SHROOM3: variants seen among roughly 807,000 people sequenced by gnomAD.
SHROOM3 encodes the protein protein Shroom3.
SHROOM3 carries 47 observed loss-of-function variants against 138.6 expected under a neutral mutation model. The ratio of observed to expected loss-of-function variants is 0.34; its 90% CI spans 0.27 to 0.43. The LOEUF (loss-of-function observed/expected upper bound fraction) is 0.43, where lower values mean the gene tolerates loss of function less well. Ranked by LOEUF, SHROOM3 falls within the 20% of genes least tolerant of loss-of-function variation. The pLI is 1.00. For missense variants in SHROOM3, 2,491 were observed against 2,596.5 expected (o/e 0.96, Z 0.88); for synonymous variants, 1,062 against 1,063.3 (o/e 1.00, Z 0.02).
chr4:76,557,428 C>CA (rs1733509922), intron 2 of SHROOM3, among the ~76,000 whole-genome samples: 1 of 152,100 alleles, frequency 6.6e-6, no homozygotes, highest in African/African-American at 2.4e-5. Flanking sequence ...CTCACAGAAA[C>CA]AGAGAGTAGA....
intron 1 of SHROOM3, among the ~76,000 whole-genome samples, chr4:76,534,188 C>G (rs1732891962): frequency 6.6e-6 from 1 of 152,138 alleles, no homozygotes; most frequent in Admixed American, 6.5e-5. Flanking sequence ...CTGAGTGGAG[C>G]CTTATGGGTT....
chr4:76,558,512 C>G (rs1733533116), intron 2 of SHROOM3, among the ~76,000 whole-genome samples: 1 of 152,142 alleles, frequency 6.6e-6, no homozygotes. Context: ...GGAGGCCCCC[C>G]CTTTCATTCT....
At chr4:76,542,326 T>G (rs1733121814) in intron 1 of SHROOM3, among the ~76,000 whole-genome samples, 1 of 152,216 alleles carries the variant, frequency 6.6e-6, no homozygotes, top group Non-Finnish European at 1.5e-5. Flanking sequence ...AGTAAGTGGT[T>G]ATGGTAGGTA....
intron 1 of SHROOM3, among the ~76,000 whole-genome samples, chr4:76,481,512 TAAAA>T (rs577142529): frequency 5.0e-5 from 7 of 139,016 alleles, no homozygotes; most frequent in African/African-American, 1.8e-4. Flanking sequence ...GGTAGGCTAT[TAAAA>T]AAAAAAAAGC....
At chr4:76,568,307 C>G (rs1733769629) in intron 2 of SHROOM3, among the ~76,000 whole-genome samples, 1 of 152,194 alleles carries the variant, frequency 6.6e-6, no homozygotes, top group Non-Finnish European at 1.5e-5. Flanking sequence ...GGGATAGTAA[C>G]AGTTTCCCCT....
At chr4:76,519,060 G>C (rs1732508042) in intron 1 of SHROOM3, among the ~76,000 whole-genome samples, 1 of 152,152 alleles carries the variant, frequency 6.6e-6, no homozygotes. Flanking sequence ...GAAGAGAACT[G>C]AGAGCTACTC....
intron 1 of SHROOM3, among the ~76,000 whole-genome samples, chr4:76,543,598 G>A (rs1458278797): frequency 6.6e-6 from 1 of 152,112 alleles, no homozygotes; most frequent in African/African-American, 2.4e-5. Flanking sequence ...GTGTCTGCAG[G>A]GCAGCAGCTC....
intron 2 of SHROOM3, among the ~76,000 whole-genome samples, chr4:76,699,359 T>C (rs1719839378): frequency 6.6e-6 from 1 of 152,252 alleles, no homozygotes; most frequent in South Asian, 2.1e-4. Flanking sequence ...ATTTGCCATG[T>C]AGGCCCTCCC....
chr4:76,575,430 G>T (rs1011834920), intron 2 of SHROOM3: 1 of 152,110 alleles, frequency 6.6e-6, no homozygotes, highest in Non-Finnish European at 1.5e-5. Flanking sequence ...TTGCAGATAA[G>T]ATGATCTTAT....
chr4:76,596,053 T>C (rs921572570), intron 2 of SHROOM3, among the ~76,000 whole-genome samples: 5 of 152,162 alleles, frequency 3.3e-5, no homozygotes, highest in Non-Finnish European at 5.9e-5. Context: ...AGGTCTTTTT[T>C]TTCACCTTGC....
intron 2 of SHROOM3, among the ~76,000 whole-genome samples, chr4:76,565,160 C>T (rs12642577): frequency 2.2e-5 from 3 of 135,940 alleles, no homozygotes; most frequent in African/African-American, 8.3e-5. Context: ...GACTCCATTT[C>T]AAAAAAAAAA....
intron 2 of SHROOM3, among the ~76,000 whole-genome samples, chr4:76,598,019 T>C (rs1734424546): frequency 7.3e-6 from 1 of 136,358 alleles, no homozygotes; most frequent in African/African-American, 2.7e-5. Context: ...ATGAGAAAAA[T>C]CTATGACTTT....
intron 1 of SHROOM3, among the ~76,000 whole-genome samples, chr4:76,529,959 T>C (rs1732796747): frequency 6.6e-6 from 1 of 152,230 alleles, no homozygotes; most frequent in Non-Finnish European, 1.5e-5. Flanking sequence ...GCTTTAGCAA[T>C]ACAGAAATTG....
intron 1 of SHROOM3, among the ~76,000 whole-genome samples, chr4:76,449,560 C>T (rs1373681320): frequency 6.6e-6 from 1 of 152,184 alleles, no homozygotes; most frequent in African/African-American, 2.4e-5. Flanking sequence ...GGCTGCTTCC[C>T]CACAATGTGA....
At chr4:76,696,783 G>A (rs1719748933) in intron 2 of SHROOM3, among the ~76,000 whole-genome samples, 1 of 152,134 alleles carries the variant, frequency 6.6e-6, no homozygotes, top group Non-Finnish European at 1.5e-5. Context: ...AACAAGGGTG[G>A]GCTCCAGTCT....
intron 5 of SHROOM3, among the ~76,000 whole-genome samples, chr4:76,748,270 G>A (rs1560612842): frequency 1.3e-5 from 2 of 152,268 alleles, no homozygotes; most frequent in East Asian, 3.9e-4. Context: ...TTAAGTTAGA[G>A]ATTATATATG....
chr4:76,563,186 A>G (rs968472957), intron 2 of SHROOM3, among the ~76,000 whole-genome samples: 3 of 152,252 alleles, frequency 2.0e-5, no homozygotes, highest in Non-Finnish European at 2.9e-5. Flanking sequence ...TCTTTATTTC[A>G]TAAGGAGCTT....
At position 76,652,652 on chromosome 4, in the gene SHROOM3, A is replaced by G. The variant is rs183879472; in HGVS notation, c.324-57504A>G. On this transcript the variant is annotated intron_variant, in intron 2 of 10. Coordinates refer to ENST00000296043, the MANE Select transcript of SHROOM3 (RefSeq NM_020859.4). Reference sequence around the variant, plus strand: ...ACAGCATAAAAGTTTTAATTTTTACATTTCCTTATGATCCCAGGGAGACCA... The same window carrying G: ...ACAGCATAAAAGTTTTAATTTTTACGTTTCCTTATGATCCCAGGGAGACCA... 6.6e-5 allele frequency among the ~76,000 whole-genome samples: 10 copies of G among 152,132 alleles called. No individual in the cohort carries two copies. In the East Asian group the frequency reaches 1.4e-3, roughly 21 times the overall value.
rs767247127 is a variant in SHROOM3 at position 76,741,577 on chromosome 4, C to T, written c.3404C>T (p.Ser1135Leu). 9.1e-5 allele frequency: 140 copies of T among 1,542,272 alleles called. No homozygotes were observed. The highest frequency in any genetic ancestry group is 1.2e-4 in the Non-Finnish European group (134 of 1,150,178). The part of the protein sequence containing the change: ...PAALEGSGLA[S>L]ASSLSSLREP... The stretch of plus-strand genomic sequence containing the variant: ...GCGCTCGAAGGCTCCGGCCTCGCCT[C>T]GGCCTCCAGCTTGAGCTCACTGCGG... Residue 1135 changes from serine to leucine, a missense_variant, in exon 5 of 11, where the codon TCG becomes TTG. This residue lies in a region of SHROOM3 where 1,733 missense variants were observed against 1,661.6 expected (regional missense o/e 1.04). Transcript: ENST00000296043. The surrounding 1 kb of genome is among the most constrained non-coding windows in gnomAD (Gnocchi z 6.2).
Sources: allele counts gnomAD v4.1 joint callset (sites outside exome capture counted in the v4.1 genomes callset), GRCh38; gene constraint gnomAD v4.1.1; regional missense constraint gnomAD v4.1.1; non-coding constraint Gnocchi (gnomAD v3.1); transcripts MANE v1.5; gene names NCBI Gene and HGNC (gene_info 2026-07-23, HGNC 2026-07-21).